The following OPHN1 variants were observed in gnomAD, a reference collection of about 807,000 sequenced individuals.
OPHN1 encodes the protein oligophrenin-1.
A neutral mutation model predicts 60.7 loss-of-function variants in OPHN1; 11 were observed. The ratio of observed to expected loss-of-function variants is 0.18; its 90% CI spans 0.11 to 0.30. OPHN1 has a LOEUF of 0.30. Ranked by LOEUF, OPHN1 falls within the 10% of genes least tolerant of loss-of-function variation. The probability of loss-of-function intolerance (pLI) is 1.00; values close to 1 mark genes in which losing one functional copy is unlikely to be tolerated. For missense variants in OPHN1, 449 were observed against 611.0 expected, an observed-to-expected ratio of 0.73 and a Z score of 2.80; for synonymous variants, 226 against 222.6, an observed-to-expected ratio of 1.02 and a Z score of -0.14.
intron 18 of OPHN1, among the ~76,000 whole-genome samples, chrX:68,111,194 G>T (rs1216334254): frequency 8.9e-6 from 1 of 112,261 alleles, no homozygotes; most frequent in East Asian, 2.8e-4. Flanking sequence ...AATGAAACTA[G>T]AGCCCAGGTC....
intron 15 of OPHN1, among the ~76,000 whole-genome samples, chrX:68,159,798 C>T (rs2077326176): frequency 9.1e-6 from 1 of 110,368 alleles, no homozygotes; most frequent in Admixed American, 9.7e-5. Context: ...TAAGAAAATA[C>T]CATTAAAGGA....
At chrX:68,330,334 G>A (rs1341014827) in intron 2 of OPHN1, among the ~76,000 whole-genome samples, 6 of 111,195 alleles carry the variant, frequency 5.4e-5, no homozygotes, top group Admixed American at 1.9e-4. Flanking sequence ...CTGACCTCAG[G>A]TGATCTGCCT....
At chrX:68,296,024 C>T (rs1250505356) in intron 3 of OPHN1, among the ~76,000 whole-genome samples, 7 of 111,321 alleles carry the variant, frequency 6.3e-5, no homozygotes, top group Non-Finnish European at 1.3e-4. Flanking sequence ...ACTCTGCGTT[C>T]TCAGCTTCCA....
At chrX:68,272,923 A>G (rs1411761124) in intron 5 of OPHN1, among the ~76,000 whole-genome samples, 4 of 111,917 alleles carry the variant, frequency 3.6e-5, no homozygotes, top group Admixed American at 2.9e-4. Context: ...TTTTAAATAT[A>G]CTTCTATTCT....
In OPHN1 at chrX:68,203,673, A is replaced by C. The variant is rs141439468; in HGVS notation, c.934-1963T>G. Among the ~76,000 whole-genome samples the C allele has an allele frequency of 7.6e-3, 851 of 111,735 alleles. 6 individuals carry two copies. The highest frequency in any genetic ancestry group is 0.027 in the African/African-American group (821 of 30,748). On this transcript the variant is annotated intron_variant, in intron 10 of 24. Coordinates refer to ENST00000355520, the MANE Select transcript of OPHN1 (RefSeq NM_002547.3). ...AGGCCCTGCCCACCATTCCAATCTC[A>C]TCTCCAGTGACTGCTCACCTGTTTA...
intron 2 of OPHN1, among the ~76,000 whole-genome samples, chrX:68,351,701 T>A (rs989246536): frequency 2.7e-5 from 3 of 110,247 alleles, no homozygotes; most frequent in Non-Finnish European, 5.7e-5. Flanking sequence ...TTTGTTGTTG[T>A]TGTTGTTGTT....
At chrX:68,360,923 T>C (rs886507897) in intron 2 of OPHN1, among the ~76,000 whole-genome samples, 1 of 112,164 alleles carries the variant, frequency 8.9e-6, no homozygotes, top group Non-Finnish European at 1.9e-5. Flanking sequence ...AACAATATCA[T>C]AAGGGACTCG....
intron 3 of OPHN1, among the ~76,000 whole-genome samples, chrX:68,289,639 C>A (rs967109760): frequency 8.9e-5 from 10 of 112,143 alleles, no homozygotes; most frequent in African/African-American, 2.6e-4. Context: ...TGCTCAAATG[C>A]CTGATGGCAA....
At chrX:68,422,971 CTT>C (rs1429166505) in intron 2 of OPHN1, among the ~76,000 whole-genome samples, 1 of 111,276 alleles carries the variant, frequency 9.0e-6, no homozygotes, top group Non-Finnish European at 1.9e-5. Context: ...TCTGTCTTGA[CTT>C]TCTTTTCCCT....
At chrX:68,391,564 T>C (rs989954652) in intron 2 of OPHN1, among the ~76,000 whole-genome samples, 2 of 111,219 alleles carry the variant, frequency 1.8e-5, no homozygotes, top group Non-Finnish European at 3.8e-5. Flanking sequence ...GGCTGAATAA[T>C]GATCCCTCAA....
At chrX:68,134,193 T>G (rs1569222076) in intron 15 of OPHN1, among the ~76,000 whole-genome samples, 1 of 109,389 alleles carries the variant, frequency 9.1e-6, no homozygotes, top group Non-Finnish European at 1.9e-5. Context: ...AATAAATAAA[T>G]AAAAACAAAA....
intron 5 of OPHN1, among the ~76,000 whole-genome samples, chrX:68,258,628 G>A (rs1295946548): frequency 9.1e-6 from 1 of 109,422 alleles, no homozygotes; most frequent in African/African-American, 3.4e-5. Context: ...ATTCCATGGT[G>A]TATATGTGCC....
chrX:68,317,364 AAAGAAAGAAAGAAAGGAAGGAAGG>A (rs1416041165), intron 2 of OPHN1, among the ~76,000 whole-genome samples: 2 of 66,951 alleles, frequency 3.0e-5, no homozygotes, highest in African/African-American at 1.5e-4. Flanking sequence ...AGAAAGAAAG[AAAGAAAGAAAGAAAGGAAGGAAGG>A]AAGGAAGGAA....
At chrX:68,262,821 AGAAAG>A (rs1310957866) in intron 5 of OPHN1, among the ~76,000 whole-genome samples, 1 of 85,003 alleles carries the variant, frequency 1.2e-5, no homozygotes, top group East Asian at 4.4e-4. Flanking sequence ...GGACAGGACA[AGAAAG>A]GAAAGGACAG....
In OPHN1 at chrX:68,397,058, GC is replaced by G. The variant is rs1469917209; in HGVS notation, c.154+35808del. Among the ~76,000 whole-genome samples, 5 of 111,401 alleles carry G rather than the reference GC, an allele frequency of 4.5e-5. No individual in the cohort carries two copies. In the East Asian group the frequency reaches 1.1e-3, roughly 25 times the overall value. On this transcript the variant is annotated intron_variant, in intron 2 of 24. Coordinates refer to ENST00000355520, the MANE Select transcript of OPHN1 (RefSeq NM_002547.3). ...TGCCTCCTGATTGCAAGCTGCTCTT[GC>G]CTTGGAGCAACACCAGGACTGCTCA... is the stretch of plus-strand genomic sequence containing the variant.
chrX:68,428,599 G>A (rs1192561981), intron 2 of OPHN1, among the ~76,000 whole-genome samples: 1 of 112,063 alleles, frequency 8.9e-6, no homozygotes, highest in Non-Finnish European at 1.9e-5. Flanking sequence ...ACTTGAACAC[G>A]GTATGTGTCC....
At chrX:68,125,199 A>G (rs776620076) in intron 15 of OPHN1, among the ~76,000 whole-genome samples, 1 of 111,799 alleles carries the variant, frequency 8.9e-6, no homozygotes, top group Admixed American at 9.5e-5. Flanking sequence ...TAAAAGCAGT[A>G]CTAAGATGGA....
intron 18 of OPHN1, among the ~76,000 whole-genome samples, chrX:68,105,328 C>T (rs1422157990): frequency 9.0e-6 from 1 of 110,794 alleles, no homozygotes. Context: ...AAGGATTATA[C>T]ATCATTCTAC....
Position 68,402,813 on chromosome X carries a change from G to T in OPHN1, c.154+30054C>A, listed in dbSNP as rs141791111. On this transcript the variant is annotated intron_variant, in intron 2 of 24. Coordinates refer to ENST00000355520, the MANE Select transcript of OPHN1 (RefSeq NM_002547.3). ...AAGGGCCAAGACAGGTTCCACATAT[G>T]GCCAGTAGTTTTTAAACTTTGGGAG... Among the ~76,000 whole-genome samples the T allele has an allele frequency of 1.3e-4, 14 of 111,778 alleles. No homozygotes were observed. The East Asian group carries it at 4.0e-3, about 32-fold the overall frequency.
Sources: gnomAD v4.1 joint callset for allele counts (sites outside exome capture counted in the v4.1 genomes callset) on GRCh38, gnomAD v4.1.1 for gene constraint, MANE v1.5 for transcripts, NCBI Gene and HGNC (gene_info 2026-07-23, HGNC 2026-07-21) for gene names.